Variants in CSNK2A2IP observed in about 807,000 individuals in gnomAD.
The protein encoded by CSNK2A2IP is casein kinase 2 subunit alpha' interacting protein.
At chr3:88,383,147 T>C in the CSNK2A2IP span, among the ~76,000 whole-genome samples, 33 of 152,086 alleles carry the variant, frequency 2.2e-4, 1 homozygote, top group Non-Finnish European at 4.0e-4. Context: ...GGAGGTCCTG[T>C]AGAAGATTAA....
chr3:88,464,096 A>G, the CSNK2A2IP span, among the ~76,000 whole-genome samples: 6 of 147,670 alleles, frequency 4.1e-5, no homozygotes, highest in Non-Finnish European at 6.0e-5. Flanking sequence ...TCTCACTCAT[A>G]GGTGGGAATT....
chr3:88,400,039 T>C, the CSNK2A2IP span, among the ~76,000 whole-genome samples: 4,604 of 152,276 alleles, frequency 0.03, 236 homozygotes, highest in African/African-American at 0.1. Flanking sequence ...ATGAGTATGA[T>C]ATTTGAGAGT....
chr3:88,342,072 G>A, the CSNK2A2IP span, among the ~76,000 whole-genome samples: 2,010 of 152,026 alleles, frequency 0.013, 29 homozygotes, highest in African/African-American at 0.029. Context: ...TTGTATGTGT[G>A]TATGTCTTTT....
chr3:88,381,018 T>G, the CSNK2A2IP span, among the ~76,000 whole-genome samples: 1 of 152,192 alleles, frequency 6.6e-6, no homozygotes, highest in Non-Finnish European at 1.5e-5. Flanking sequence ...ATTAAATGGG[T>G]TCTCCATGAA....
the CSNK2A2IP span, among the ~76,000 whole-genome samples, chr3:88,346,519 G>A: frequency 6.6e-6 from 1 of 151,904 alleles, no homozygotes; most frequent in African/African-American, 2.4e-5. Flanking sequence ...TTCAAAAATT[G>A]TAGAGCCCTT....
At chr3:88,416,057 G>T in the CSNK2A2IP span, among the ~76,000 whole-genome samples, 1 of 151,874 alleles carries the variant, frequency 6.6e-6, no homozygotes, top group Non-Finnish European at 1.5e-5. Context: ...GATGACTTGA[G>T]GTCAGGAGAT....
chr3:88,434,390 A>G, the CSNK2A2IP span, among the ~76,000 whole-genome samples: 2 of 152,242 alleles, frequency 1.3e-5, no homozygotes, highest in African/African-American at 4.8e-5. Context: ...CTGAGAGAGG[A>G]TCTCTCTACC....
At chr3:88,443,201 A>T in the CSNK2A2IP span, among the ~76,000 whole-genome samples, 1 of 152,198 alleles carries the variant, frequency 6.6e-6, no homozygotes, top group Non-Finnish European at 1.5e-5. Flanking sequence ...TATTCTAGCC[A>T]GTACAAGGAA....
At chr3:88,382,312 A>G in the CSNK2A2IP span, among the ~76,000 whole-genome samples, 1 of 152,160 alleles carries the variant, frequency 6.6e-6, no homozygotes, top group African/African-American at 2.4e-5. Context: ...TAGTCCCAAT[A>G]AATCTGTGAC....
At chr3:88,442,721 A>G in the CSNK2A2IP span, among the ~76,000 whole-genome samples, 3 of 152,034 alleles carry the variant, frequency 2.0e-5, no homozygotes, top group Non-Finnish European at 4.4e-5. Flanking sequence ...GCTAGAAAAC[A>G]ACAGAGTTGA....
the CSNK2A2IP span, among the ~76,000 whole-genome samples, chr3:88,367,701 T>C: frequency 6.6e-6 from 1 of 152,068 alleles, no homozygotes; most frequent in Admixed American, 6.6e-5. Context: ...ATGGCCCTTT[T>C]CAACACTCAG....
chr3:88,419,477 G>C, the CSNK2A2IP span, among the ~76,000 whole-genome samples: 1 of 152,100 alleles, frequency 6.6e-6, no homozygotes, highest in Non-Finnish European at 1.5e-5. Flanking sequence ...TGGTATATTT[G>C]TACCATATTT....
At chr3:88,435,462 C>A in the CSNK2A2IP span, among the ~76,000 whole-genome samples, 1 of 152,114 alleles carries the variant, frequency 6.6e-6, no homozygotes, top group South Asian at 2.1e-4. Context: ...CCATGTGTGT[C>A]TATATGATCT....
the CSNK2A2IP span, among the ~76,000 whole-genome samples, chr3:88,394,262 T>C: frequency 6.6e-6 from 1 of 152,252 alleles, no homozygotes; most frequent in African/African-American, 2.4e-5. Flanking sequence ...ATTCCATTAC[T>C]AAATACATTT....
chr3:88,466,055 C>T, the CSNK2A2IP span: 5 of 1,231,646 alleles, frequency 4.1e-6, no homozygotes, highest in Non-Finnish European at 5.1e-6. Flanking sequence ...TGGACATCTT[C>T]ATTGCAGCGC....
the CSNK2A2IP span, among the ~76,000 whole-genome samples, chr3:88,406,889 T>C: frequency 6.6e-6 from 1 of 152,226 alleles, no homozygotes. Context: ...GAATTTGCCC[T>C]GTGGATATCA....
the CSNK2A2IP span, among the ~76,000 whole-genome samples, chr3:88,423,433 G>C: frequency 6.6e-6 from 1 of 152,054 alleles, no homozygotes; most frequent in Non-Finnish European, 1.5e-5. Context: ...AGATTACAAG[G>C]AGTTAGAAGT....
At chr3:88,467,098 C>T in the CSNK2A2IP span, 4 of 617,052 alleles carry the variant, frequency 6.5e-6, no homozygotes, top group South Asian at 8.3e-5. Flanking sequence ...GGCGGTAGCC[C>T]CCGAAAACAA....
At chr3:88,416,242 AGC>A in the CSNK2A2IP span, among the ~76,000 whole-genome samples, 4 of 151,014 alleles carry the variant, frequency 2.6e-5, no homozygotes, top group African/African-American at 9.8e-5. Flanking sequence ...ACTGCACTCC[AGC>A]CTGGGTGACA....
Sources: gnomAD v4.1 joint callset for allele counts (sites outside exome capture counted in the v4.1 genomes callset) on GRCh38, gnomAD v4.1.1 for gene constraint, MANE v1.5 for transcripts, NCBI Gene and HGNC (gene_info 2026-07-23, HGNC 2026-07-21) for gene names.